The following MYO1C variants were observed in gnomAD, a reference collection of about 807,000 sequenced individuals.
The protein encoded by MYO1C is myosin IC.
A neutral mutation model predicts 150.8 loss-of-function variants in MYO1C; 104 were observed. The ratio of observed to expected loss-of-function variants is 0.69; its 90% CI spans 0.59 to 0.81. The LOEUF is 0.81. Among genes scored for constraint, MYO1C ranks in the 30% least tolerant of loss-of-function variants. The pLI, the probability that MYO1C is intolerant of heterozygous loss-of-function variation, is 0.00. For missense variants in MYO1C, 1,504 were observed against 1,435.0 expected (o/e 1.05, Z -0.78); for synonymous variants, 663 against 579.9 (o/e 1.14, Z -2.06).
intron 25 of MYO1C, chr17:1,469,103 T>C: frequency 3.2e-6 from 1 of 312,670 alleles, no homozygotes; most frequent in Admixed American, 4.5e-5. Context: ...TAGACCGGGG[T>C]AAATACGGTA....
chr17:1,472,489 G>C, intron 17 of MYO1C: 1 of 520,436 alleles, frequency 1.9e-6, no homozygotes, highest in Non-Finnish European at 3.5e-6. Flanking sequence ...AGCAACCTCA[G>C]TGCTACACCT....
In MYO1C at chr17:1,477,730, A is replaced by G. The variant is rs977472841; in HGVS notation, c.1483-134T>C. ...AGGGAGTCTCCACAGAGAGCTTCCAACTGGGGCGGCACCTCCCTCCATCCT... is the reference window on the plus strand; with the variant it reads ...AGGGAGTCTCCACAGAGAGCTTCCAGCTGGGGCGGCACCTCCCTCCATCCT... On this transcript the variant is annotated intron_variant, in intron 13 of 31. Coordinates refer to ENST00000648651, the MANE Select transcript of MYO1C (RefSeq NM_001080779.2). The G allele has an allele frequency of 1.3e-5, 13 of 992,942 alleles. No individual in the cohort carries two copies. In the Middle Eastern group the frequency reaches 8.1e-4, roughly 62 times the overall value. The allele number at this position is 992,942 out of a possible 1,614,324, so 61.5% of individuals were successfully genotyped here.
intron 27 of MYO1C, 33 bp from the exon 28 acceptor site, chr17:1,468,156 G>T (rs375752565): frequency 6.2e-7 from 1 of 1,612,566 alleles, no homozygotes; most frequent in Non-Finnish European, 8.5e-7. Context: ...AGGGGCTGGG[G>T]AGAGGCTCCC....
Position 1,483,058 on chromosome 17 carries a change from A to G in MYO1C, c.349T>C (p.Phe117Leu), listed in dbSNP as rs1567532503. ...CGGTACACAGTGTCCGCCACGGCAA[A>G]CCTGGGGCGGAGGCTCGTCAGGGAG... ...VSFYEVPPHL[F>L]AVADTVYRAL... The change falls in exon 4 of 32, where the codon TTT (phenylalanine) becomes CTT (leucine). Residue 117 changes from phenylalanine (F) to leucine (L), a missense_variant and splice_region_variant. Coordinates refer to ENST00000648651, the MANE Select transcript of MYO1C (RefSeq NM_001080779.2). 6.2e-7 allele frequency: 1 copy of G among 1,601,546 alleles called. No individual in the cohort carries two copies. Among genetic ancestry groups the G allele is most frequent in the South Asian group, 1.1e-5 (1 of 89,460 alleles).
chr17:1,466,841 G>C (rs961559381), intron 31 of MYO1C, among the ~76,000 whole-genome samples: 2 of 152,012 alleles, frequency 1.3e-5, no homozygotes, highest in African/African-American at 4.8e-5. Context: ...TGGCCAGGCT[G>C]GTCTCGAACT....
At chr17:1,475,528 C>T (rs772044388) in intron 14 of MYO1C, among the ~76,000 whole-genome samples, 14 of 152,208 alleles carry the variant, frequency 9.2e-5, no homozygotes, top group East Asian at 7.7e-4. Context: ...GTGCCAGGAC[C>T]GGGACCTGGG....
intron 1 of MYO1C, chr17:1,484,879 C>CCCA: frequency 2.8e-6 from 1 of 353,512 alleles, no homozygotes; most frequent in Non-Finnish European, 5.4e-6. Context: ...CTCTCCCACC[C>CCCA]AGACCCACCC....
At chr17:1,465,847 A>G (rs980808307) in intron 31 of MYO1C, 95 bp from the exon 32 acceptor site, 46 of 927,324 alleles carry the variant, frequency 5.0e-5, no homozygotes, top group Non-Finnish European at 2.1e-5. Flanking sequence ...TTTCCTTTTT[A>G]TGGAGAATGG....
rs765840500 is a variant in MYO1C, at chr17:1,477,485, AG to A, written c.1574+19del. 6 of 1,610,542 alleles carry A rather than the reference AG, an allele frequency of 3.7e-6. No individual in the cohort carries two copies. Among genetic ancestry groups the A allele is most frequent in the Non-Finnish European group, 5.1e-6 (6 of 1,177,282 alleles). ...CTGCAAGTGAGCCCTTGCCCCCAGC[AG>A]CCCCGCAGCCCCACTCACGTCAGGA... On this transcript the variant is annotated intron_variant, in intron 14 of 31. Coordinates refer to ENST00000648651, the MANE Select transcript of MYO1C (RefSeq NM_001080779.2).
At chr17:1,488,125 C>A (rs181661578) in intron 1 of MYO1C, among the ~76,000 whole-genome samples, 1 of 152,108 alleles carries the variant, frequency 6.6e-6, no homozygotes, top group Admixed American at 6.5e-5. Flanking sequence ...GGCCAGAGGA[C>A]GGGGCGGAGC....
chr17:1,467,353 G>A lies in MYO1C; in HGVS notation c.3066-12C>T. 1.9e-6 allele frequency: 3 copies of A among 1,608,530 alleles called. No homozygotes were observed. The highest frequency in any genetic ancestry group is 2.5e-6 in the Non-Finnish European group (3 of 1,177,534). On this transcript the variant is annotated splice_polypyrimidine_tract_variant and intron_variant, in intron 30 of 31. Coordinates refer to ENST00000648651, the MANE Select transcript of MYO1C (RefSeq NM_001080779.2). The stretch of plus-strand genomic sequence containing the variant: ...CTGCAAACGTGATGCTGGGGGAACG[G>A]GGTGGGTGAGGGTTTTTCCATGGAG...
intron 1 of MYO1C, chr17:1,485,786 T>G: frequency 1.2e-6 from 1 of 816,718 alleles, no homozygotes; most frequent in Non-Finnish European, 1.5e-6. Flanking sequence ...GGCGGCGGCG[T>G]CAGCGAGGGA....
At chr17:1,485,295 T>G in intron 1 of MYO1C, 2 of 1,115,738 alleles carry the variant, frequency 1.8e-6, no homozygotes, top group Non-Finnish European at 2.2e-6. Flanking sequence ...AAGGTGGTGG[T>G]GATTGGGGGT....
At chr17:1,482,186 A>T (rs1023382200) in intron 5 of MYO1C, among the ~76,000 whole-genome samples, 1 of 152,136 alleles carries the variant, frequency 6.6e-6, no homozygotes, top group Non-Finnish European at 1.5e-5. Context: ...AGCTGGGACA[A>T]CAGACATGTG....
Position 1,471,292 on chromosome 17 carries a change from C to G in MYO1C, c.2066G>C (p.Arg689Pro), listed in dbSNP as rs775896723. ...CAGCACAGCCACCCCATCCTGCGGC[C>G]GTCCTGCCCACGTGGGCCACGTCTC... ...CPETWPTWAG[R>P]PQDGVAVLVR... Residue 689 changes from arginine (R) to proline (P), a missense_variant, in exon 20 of 32, where the codon CGG (arginine) becomes CCG (proline). Physicochemically the swap from Arg to Pro is moderately radical, Grantham distance 103. Coordinates refer to ENST00000648651, the MANE Select transcript of MYO1C (RefSeq NM_001080779.2). The G allele has an allele frequency of 6.2e-7, 1 of 1,613,994 alleles. No individual in the cohort carries two copies. The highest frequency in any genetic ancestry group is 1.3e-5 in the African/African-American group (1 of 75,016).
intron 1 of MYO1C, among the ~76,000 whole-genome samples, chr17:1,488,825 C>T (rs1421483741): frequency 6.6e-6 from 1 of 152,188 alleles, no homozygotes; most frequent in Admixed American, 6.5e-5. Flanking sequence ...GAGACTTCTT[C>T]CCCAAGGCTG....
At position 1,478,206 on chromosome 17, in the gene MYO1C, G is replaced by A. The variant is rs760185338; in HGVS notation, c.1296-14C>T. ...AACTGCTCAAAGCTGTAAGGAAGGA[G>A]AAGAGCCCACAGTGGCTCAGTGGGG... On this transcript the variant is annotated splice_polypyrimidine_tract_variant and intron_variant, in intron 11 of 31. Coordinates refer to ENST00000648651, the MANE Select transcript of MYO1C (RefSeq NM_001080779.2). The surrounding 1 kb of genome is among the most constrained non-coding windows in gnomAD (Gnocchi z 6.3). 1.1e-5 allele frequency: 17 copies of A among 1,612,660 alleles called. No homozygotes were observed. Among genetic ancestry groups the A allele is most frequent in the Non-Finnish European group, 1.3e-5 (15 of 1,179,292 alleles).
At position 1,478,542 on chromosome 17, in the gene MYO1C, C is replaced by T. The variant is rs1318388345; in HGVS notation, c.1213-50G>A. The T allele has an allele frequency of 1.9e-6, 3 of 1,613,648 alleles. No individual in the cohort carries two copies. Among genetic ancestry groups the T allele is most frequent in the South Asian group, 2.2e-5 (2 of 91,082 alleles). The stretch of plus-strand genomic sequence containing the variant: ...CGTGGGCCCCCTGCGCGTGCCAGCC[C>T]CACCCTGCAGCACCCCCCGCCTCGC... On this transcript the variant is annotated intron_variant, in intron 10 of 31. Coordinates refer to ENST00000648651, the MANE Select transcript of MYO1C (RefSeq NM_001080779.2). The surrounding 1 kb of genome is among the most constrained non-coding windows in gnomAD (Gnocchi z 6.3).
chr17:1,479,456 C>T lies in MYO1C; in HGVS notation c.1067G>A (p.Arg356Lys), dbSNP rs1252102815. The change falls in exon 9 of 32, where the codon AGG becomes AAG. Residue 356 changes from arginine to lysine, a missense_variant. Coordinates refer to ENST00000648651, the MANE Select transcript of MYO1C (RefSeq NM_001080779.2). This position sits in a 1 kb window ranked among gnomAD's most constrained non-coding sequence, Gnocchi z 4.2. ...GSTLREALTH[R>K]KIIAKGEELL... ...CTCCTCCCCCTTGGCGATGATCTTC[C>T]TGTGTGTCAGGGCTTCTCGCAGCGT... is the stretch of plus-strand genomic sequence containing the variant. The T allele has an allele frequency of 1.3e-6, 2 of 1,506,300 alleles. No homozygotes were observed. Among genetic ancestry groups the T allele is most frequent in the Non-Finnish European group, 1.8e-6 (2 of 1,108,304 alleles). 93.3% of individuals were successfully genotyped at this position (1,506,300 alleles called of 1,614,324 possible). A position where few individuals can be genotyped will look rare whatever the true frequency, so the allele number is the denominator to read the frequency against.
Sources: allele counts gnomAD v4.1 joint callset (sites outside exome capture counted in the v4.1 genomes callset), GRCh38; gene constraint gnomAD v4.1.1; non-coding constraint Gnocchi (gnomAD v3.1); transcripts MANE v1.5; gene names NCBI Gene and HGNC (gene_info 2026-07-23, HGNC 2026-07-21).